DNAH7: variants seen among roughly 807,000 people sequenced by gnomAD.
DNAH7 encodes dynein axonemal heavy chain 7.
DNAH7 carries 397 observed loss-of-function variants against 444.6 expected under a neutral mutation model. The ratio of observed to expected loss-of-function variants is 0.89; its 90% CI spans 0.82 to 0.97. The LOEUF (loss-of-function observed/expected upper bound fraction) is 0.97. Among genes scored for constraint, DNAH7 ranks in the 50% least tolerant of loss-of-function variants. DNAH7 has a pLI of 0.00. For synonymous variants in DNAH7, 1,636 were observed against 1,624.4 expected, an observed-to-expected ratio of 1.01 and a Z score of -0.17; for missense variants, 4,902 against 4,800.8, an observed-to-expected ratio of 1.02 and a Z score of -0.62.
chr2:195,945,984 ATTTTCTAAGGGCCTG>A (rs1184971877), intron 19 of DNAH7, among the ~76,000 whole-genome samples: 1 of 152,032 alleles, frequency 6.6e-6, no homozygotes, highest in East Asian at 1.9e-4. Context: ...TCCCTAATAA[ATTTTCTAAGGGCCTG>A]AAAGGAGAGG....
intron 51 of DNAH7, among the ~76,000 whole-genome samples, chr2:195,811,713 C>T (rs1448682958): frequency 6.6e-6 from 1 of 152,000 alleles, no homozygotes; most frequent in Non-Finnish European, 1.5e-5. Flanking sequence ...TGTGCAACTC[C>T]TAAAACTTAT....
intron 16 of DNAH7, 131 bp from the exon 17 acceptor site, chr2:195,970,225 G>A: frequency 2.5e-6 from 2 of 815,856 alleles, no homozygotes; most frequent in Admixed American, 3.6e-5. Flanking sequence ...AGGATGATCT[G>A]GAAAATGAAC....
chr2:195,862,391 T>C (rs538081879), intron 41 of DNAH7, among the ~76,000 whole-genome samples: 1 of 152,306 alleles, frequency 6.6e-6, no homozygotes, highest in South Asian at 2.1e-4. Flanking sequence ...GCCTCCACTA[T>C]CATCTGCCTG....
chr2:195,893,843 A>G (rs1193813972), intron 30 of DNAH7: 1 of 152,128 alleles, frequency 6.6e-6, no homozygotes. Context: ...TCATATCTTC[A>G]TCTCCTTCTA....
chr2:195,740,920 T>TTGAGTTCTGAATCTGAAATTTC, intron 63 of DNAH7, 51 bp from the exon 64 acceptor site: 1 of 1,145,254 alleles, frequency 8.7e-7, no homozygotes, highest in Middle Eastern at 2.2e-4. Context: ...TGCATTTTGA[T>TTGAGTTCTGAATCTGAAATTTC]TGAGTTCTGA....
Position 195,857,620 on chromosome 2 carries a change from T to C in DNAH7, c.8171A>G (p.Asp2724Gly). Residue 2724 changes from aspartate to glycine, a missense_variant, in exon 44 of 65, where the codon GAC becomes GGC. Asp to Gly is a moderately conservative substitution (Grantham distance 94). Transcript: ENST00000312428. ...AATTTTTTTCCCTGAACCTGTTGGG[T>C]CAGGGATTTTGTCAGCTTTGATTCC... Reference protein sequence around the residue: ...LKGIKADKIPDPTGSGKKIED... With the variant: ...LKGIKADKIPGPTGSGKKIED... 1.2e-6 allele frequency: 2 copies of C among 1,613,964 alleles called. No individual in the cohort carries two copies. Among genetic ancestry groups the C allele is most frequent in the Non-Finnish European group, 1.7e-6 (2 of 1,179,942 alleles).
At chr2:195,897,383 G>A (rs1029028174) in intron 29 of DNAH7, among the ~76,000 whole-genome samples, 10 of 152,048 alleles carry the variant, frequency 6.6e-5, no homozygotes, top group South Asian at 2.1e-4. Context: ...TTTTCTTTAC[G>A]GAGCCTGCAT....
chr2:195,990,946 C>T (rs1414787243), intron 12 of DNAH7, among the ~76,000 whole-genome samples: 2 of 141,930 alleles, frequency 1.4e-5, no homozygotes, highest in East Asian at 4.0e-4. Context: ...AATATATATA[C>T]ATATATATAC....
intron 29 of DNAH7, among the ~76,000 whole-genome samples, chr2:195,895,508 T>C (rs1702255574): frequency 6.6e-6 from 1 of 152,204 alleles, no homozygotes; most frequent in African/African-American, 2.4e-5. Flanking sequence ...GGCACGATCA[T>C]GGCTCACTGC....
chr2:195,771,931 G>T, intron 60 of DNAH7, 41 bp from the exon 61 acceptor site: 2 of 1,552,778 alleles, frequency 1.3e-6, no homozygotes, highest in Non-Finnish European at 1.8e-6. Flanking sequence ...TCCTCATAAA[G>T]GTCTAACAAT....
At chr2:195,924,507 T>C (rs914131759) in intron 22 of DNAH7, among the ~76,000 whole-genome samples, 20 of 151,574 alleles carry the variant, frequency 1.3e-4, no homozygotes, top group African/African-American at 3.9e-4. Context: ...GGCAGCAGAA[T>C]AGCTTGAAAC....
chr2:196,042,632 CTT>C (rs1696840703), intron 5 of DNAH7, among the ~76,000 whole-genome samples: 1 of 151,964 alleles, frequency 6.6e-6, no homozygotes, highest in African/African-American at 2.4e-5. Context: ...GGGAAATCAA[CTT>C]AAAGTCATAA....
intron 42 of DNAH7, 145 bp downstream of exon 42, chr2:195,861,572 C>G (rs567780723): frequency 3.0e-6 from 2 of 657,336 alleles, no homozygotes; most frequent in South Asian, 4.0e-5. Context: ...TTCAAAATGT[C>G]TGTGGATTAA....
intron 51 of DNAH7, among the ~76,000 whole-genome samples, chr2:195,813,474 C>T (rs1412389458): frequency 1.3e-5 from 2 of 152,092 alleles, no homozygotes; most frequent in Non-Finnish European, 2.9e-5. Context: ...CACTTGTCTC[C>T]AAAGTGCTGC....
chr2:196,047,788 T>C (rs549713156), intron 4 of DNAH7, among the ~76,000 whole-genome samples: 68 of 151,978 alleles, frequency 4.5e-4, no homozygotes, highest in African/African-American at 1.6e-3. Context: ...AAGTGAACAT[T>C]AAAATTATGA....
chr2:195,841,067 T>A (rs1242247205), intron 47 of DNAH7, among the ~76,000 whole-genome samples: 2 of 151,804 alleles, frequency 1.3e-5, no homozygotes, highest in Non-Finnish European at 3.0e-5. Context: ...GGTATTTACA[T>A]CAAGACAAAT....
chr2:195,930,965 G>A (rs1308151426), intron 21 of DNAH7, among the ~76,000 whole-genome samples: 1 of 152,012 alleles, frequency 6.6e-6, no homozygotes, highest in Non-Finnish European at 1.5e-5. Flanking sequence ...CAAGTAAGTG[G>A]AAACTAAACC....
intron 24 of DNAH7, among the ~76,000 whole-genome samples, chr2:195,910,819 G>A (rs946988318): frequency 1.3e-5 from 2 of 152,182 alleles, no homozygotes; most frequent in African/African-American, 4.8e-5. Flanking sequence ...AGACAAAGAA[G>A]AGTCAATTAT....
At chr2:196,017,564 G>C (rs748376795) in intron 9 of DNAH7, among the ~76,000 whole-genome samples, 1 of 151,928 alleles carries the variant, frequency 6.6e-6, no homozygotes, top group African/African-American at 2.4e-5. Flanking sequence ...AAATTAATCT[G>C]TACTTGTACG....
Sources: gnomAD v4.1 joint callset for allele counts (sites outside exome capture counted in the v4.1 genomes callset) on GRCh38, gnomAD v4.1.1 for gene constraint, MANE v1.5 for transcripts, NCBI Gene and HGNC (gene_info 2026-07-23, HGNC 2026-07-21) for gene names.